The following C1orf167 variants were observed in gnomAD, a reference collection of about 807,000 sequenced individuals.
C1orf167 encodes uncharacterized protein C1orf167.
In C1orf167, 153 loss-of-function variants were observed where a neutral mutation model predicts 176.5. The ratio of observed to expected loss-of-function variants is 0.87; its 90% CI spans 0.76 to 0.99. The LOEUF (loss-of-function observed/expected upper bound fraction) is 0.99, where lower values mean the gene tolerates loss of function less well. C1orf167 is among the 50% of genes least tolerant of loss of function. C1orf167 has a pLI of 0.00. For synonymous variants in C1orf167, 594 were observed against 752.7 expected (o/e 0.79, Z 3.45); for missense variants, 1,490 against 1,817.7 (o/e 0.82, Z 3.28).
Position 11,789,561 on chromosome 1 carries a change from C to A in C1orf167, c.*115C>A, listed in dbSNP as rs554565392. 2 of 977,112 alleles carry A rather than the reference C, an allele frequency of 2.0e-6. No individual in the cohort carries two copies. The highest frequency in any genetic ancestry group is 3.3e-5 in the Admixed American group (1 of 30,592). 60.5% of individuals were successfully genotyped at this position (977,112 alleles called of 1,614,324 possible). A position where few individuals can be genotyped will look rare whatever the true frequency, so the allele number is the denominator to read the frequency against. On this transcript the variant is annotated 3_prime_UTR_variant, in exon 21 of 21. Transcript: ENST00000688073. ...GGACAGCTTGAAGAGCTCTGAAGGA[C>A]AATAAAACCCACTCCTCAGTCCTAG...
Position 11,789,520 on chromosome 1 carries a change from G to A in C1orf167, c.*74G>A. 8.1e-7 allele frequency: 1 copy of A among 1,234,662 alleles called. No homozygotes were observed. Among genetic ancestry groups the A allele is most frequent in the Non-Finnish European group, 1.1e-6 (1 of 941,586 alleles). The allele number at this position is 1,234,662 out of a possible 1,614,324, so 76.5% of individuals were successfully genotyped here. On this transcript the variant is annotated 3_prime_UTR_variant, in exon 21 of 21. Coordinates refer to ENST00000688073, the MANE Select transcript of C1orf167 (RefSeq NM_001010881.2). ...AAGGAACCATGCCCCACACATCCAG[G>A]GAGTGATGACAGAGGGGACAGCTTG...
At chr1:11,782,997 G>A (rs894055775) in intron 14 of C1orf167, among the ~76,000 whole-genome samples, 3 of 151,946 alleles carry the variant, frequency 2.0e-5, no homozygotes, top group Non-Finnish European at 2.9e-5. Flanking sequence ...GTTACAGCAA[G>A]GAGAATTCTG....
intron 2 of C1orf167, 23 bp downstream of exon 2, chr1:11,764,493 A>C: frequency 7.8e-7 from 1 of 1,288,268 alleles, no homozygotes; most frequent in Non-Finnish European, 1.0e-6. Flanking sequence ...GTGGGCCTGG[A>C]TGGGCAGTTA....
chr1:11,788,905 C>A, intron 20 of C1orf167, 159 bp downstream of exon 20: 1 of 491,410 alleles, frequency 2.0e-6, no homozygotes, highest in Non-Finnish European at 3.4e-6. Context: ...ACAGAACACA[C>A]AGGCTGGATG....
At chr1:11,784,972 T>C (rs539002016) in intron 15 of C1orf167, among the ~76,000 whole-genome samples, 176 bp from the exon 16 acceptor site, 61 of 152,272 alleles carry the variant, frequency 4.0e-4, no homozygotes, top group African/African-American at 1.4e-3. Context: ...TCCTTCCAGG[T>C]CGCTCTCCAT....
At position 11,764,314 on chromosome 1, in the gene C1orf167, C is replaced by T; in HGVS notation, c.-70-17C>T. On this transcript the variant is annotated splice_polypyrimidine_tract_variant and intron_variant, in intron 1 of 20. Transcript: ENST00000688073. ...GGGGTTGAATGAGAGCCAGGGCAAC[C>T]TGTCCTCTCCCCGCAGGGCCCATCT... 1 of 1,083,376 alleles carries T rather than the reference C, an allele frequency of 9.2e-7. No individual in the cohort carries two copies. Among genetic ancestry groups the T allele is most frequent in the Non-Finnish European group, 1.2e-6 (1 of 801,306 alleles). The allele number at this position is 1,083,376 out of a possible 1,614,324, so 67.1% of individuals were successfully genotyped here.
intron 8 of C1orf167, among the ~76,000 whole-genome samples, 172 bp from the exon 9 acceptor site, chr1:11,775,263 T>A (rs530891791): frequency 1.9e-4 from 29 of 152,316 alleles, no homozygotes; most frequent in African/African-American, 6.3e-4. Flanking sequence ...CACTCCAGCC[T>A]GGGCAAAAGA....
Position 11,773,651 on chromosome 1 carries a change from T to A in C1orf167, c.1988+1392T>A, listed in dbSNP as rs148568847. Among the ~76,000 whole-genome samples the A allele has an allele frequency of 9.6e-3, 1,464 of 152,174 alleles. 25 individuals are homozygous for A. Among genetic ancestry groups the A allele is most frequent in the African/African-American group, 0.033 (1,380 of 41,516 alleles). On this transcript the variant is annotated intron_variant, in intron 8 of 20. Transcript: ENST00000688073. The stretch of plus-strand genomic sequence containing the variant: ...TGAACCCGGGAGGCAGAGGTTGCAG[T>A]GAGCCGAGATCGTGCCACTGCACTC...
intron 8 of C1orf167, among the ~76,000 whole-genome samples, chr1:11,775,115 T>A (rs978768590): frequency 7.5e-6 from 1 of 133,732 alleles, no homozygotes; most frequent in African/African-American, 2.6e-5. Flanking sequence ...AGAAACCCCA[T>A]CTCTACTAAA....
chr1:11,766,008 C>A lies in C1orf167; in HGVS notation c.222C>A (p.Asn74Lys). 3 of 1,289,596 alleles carry A rather than the reference C, an allele frequency of 2.3e-6. No homozygotes were observed. The highest frequency in any genetic ancestry group is 2.5e-5 in the South Asian group (2 of 80,994). The allele number at this position is 1,289,596 out of a possible 1,614,324, so 79.9% of individuals were successfully genotyped here. Residue 74 changes from asparagine (N) to lysine (K), a missense_variant, in exon 3 of 21, where the codon AAC becomes AAA. Physicochemically the swap from Asn to Lys is moderately conservative, Grantham distance 94. Coordinates refer to ENST00000688073, the MANE Select transcript of C1orf167 (RefSeq NM_001010881.2). This position sits in a 1 kb window ranked among gnomAD's most constrained non-coding sequence, Gnocchi z 4.5. Reference protein sequence around the residue: ...LDQEPCRVQTNLASPGPRLGL... With the variant: ...LDQEPCRVQTKLASPGPRLGL... ...AGGAGCCCTGCCGAGTCCAGACCAA[C>A]CTGGCCAGCCCTGGTCCCCGCCTGG...
At chr1:11,788,436 C>A in intron 19 of C1orf167, 58 bp downstream of exon 19, 2 of 1,246,466 alleles carry the variant, frequency 1.6e-6, no homozygotes, top group Non-Finnish European at 2.1e-6. Context: ...CATACTTAAC[C>A]CAAACCCCTC....
chr1:11,765,946 C>A lies in C1orf167; in HGVS notation c.160C>A (p.Pro54Thr). 9 of 1,263,862 alleles carry A rather than the reference C, an allele frequency of 7.1e-6. No homozygotes were observed. Among genetic ancestry groups the A allele is most frequent in the South Asian group, 1.3e-5 (1 of 77,730 alleles). 78.3% of individuals were successfully genotyped at this position (1,263,862 alleles called of 1,614,324 possible). The stretch of plus-strand genomic sequence containing the variant: ...CGGGTGCCAGGTGGAGAGGGGAGGG[C>A]CTGCTGCCACACCCTCCCCAGGGGC... ...VPGCQVERGG[P>T]AATPSPGAVL... The change falls in exon 3 of 21, where the codon CCT (proline) becomes ACT (threonine). Residue 54 changes from proline to threonine, a missense_variant. Coordinates refer to ENST00000688073, the MANE Select transcript of C1orf167 (RefSeq NM_001010881.2).
chr1:11,770,948 G>A (rs1643024717), intron 6 of C1orf167, among the ~76,000 whole-genome samples: 1 of 143,566 alleles, frequency 7.0e-6, no homozygotes. Flanking sequence ...GGGACTACAA[G>A]TGTGTGCCAC....
intron 13 of C1orf167, among the ~76,000 whole-genome samples, chr1:11,781,637 G>A (rs149447426): frequency 1.7e-3 from 258 of 152,250 alleles, no homozygotes; most frequent in Non-Finnish European, 2.5e-3. Context: ...TGGGCCGGGC[G>A]CAGTGGCTCA....
Position 11,779,067 on chromosome 1 carries a change from A to T in C1orf167, c.2638A>T (p.Thr880Ser). ...FQGTARWYQH[T>S]RQRRIFLSWS... ...GGGCACAGCCAGGTGGTACCAGCAT[A>T]CCCGCCAGAGGCGGTAGGGATCCCT... Residue 880 changes from threonine to serine, a missense_variant, in exon 12 of 21, where the codon ACC (threonine) becomes TCC (serine). Coordinates refer to ENST00000688073, the MANE Select transcript of C1orf167 (RefSeq NM_001010881.2). 1 of 1,240,728 alleles carries T rather than the reference A, an allele frequency of 8.1e-7. No homozygotes were observed. Among genetic ancestry groups the T allele is most frequent in the Non-Finnish European group, 1.0e-6 (1 of 960,176 alleles). The allele number at this position is 1,240,728 out of a possible 1,614,324, so 76.9% of individuals were successfully genotyped here. A position where few individuals can be genotyped will look rare whatever the true frequency, so the allele number is the denominator to read the frequency against.
chr1:11,774,673 G>C (rs185390315), intron 8 of C1orf167, among the ~76,000 whole-genome samples: 10 of 152,154 alleles, frequency 6.6e-5, no homozygotes, highest in Non-Finnish European at 1.5e-5. Flanking sequence ...GGGGGCTGAG[G>C]GTAGTTGAAG....
intron 8 of C1orf167, among the ~76,000 whole-genome samples, chr1:11,774,036 G>A (rs1396303119): frequency 6.6e-6 from 1 of 151,968 alleles, no homozygotes; most frequent in East Asian, 1.9e-4. Context: ...CCAAGTAGCT[G>A]GGACTATAGG....
In C1orf167 at chr1:11,789,446, A is replaced by C. The variant is rs886045186; in HGVS notation, c.4350A>C (p.Ter1450CysextTer6). 7.7e-7 allele frequency: 1 copy of C among 1,303,256 alleles called. No individual in the cohort carries two copies. The highest frequency in any genetic ancestry group is 1.0e-6 in the Non-Finnish European group (1 of 988,614). 80.7% of individuals were successfully genotyped at this position (1,303,256 alleles called of 1,614,324 possible). Residue 1450 changes from the stop codon to cysteine, a stop_lost, in exon 21 of 21, where the codon TGA (stop) becomes TGC (cysteine). Coordinates refer to ENST00000688073, the MANE Select transcript of C1orf167 (RefSeq NM_001010881.2). ...GAEHGAQLQL[*>C] is the part of the protein sequence containing the mutation. ...AGCATGGGGCCCAGCTGCAGCTGTG[A>C]CTTGTTCTCATAGAATAAAAAACAG...
intron 8 of C1orf167, among the ~76,000 whole-genome samples, chr1:11,773,956 T>C (rs1570399445): frequency 6.6e-6 from 1 of 151,852 alleles, no homozygotes; most frequent in Non-Finnish European, 1.5e-5. Context: ...CAGGCTGGAG[T>C]GCAGTGGTGC....
Sources: gnomAD v4.1 joint callset for allele counts (sites outside exome capture counted in the v4.1 genomes callset) on GRCh38, gnomAD v4.1.1 for gene constraint, Gnocchi (gnomAD v3.1) non-coding constraint, MANE v1.5 for transcripts, NCBI Gene and HGNC (gene_info 2026-07-23, HGNC 2026-07-21) for gene names.